NCAPD3: variants seen among roughly 807,000 people sequenced by gnomAD.
NCAPD3 encodes condensin-2 complex subunit D3.
Under a neutral mutation model 182.9 loss-of-function variants are expected in NCAPD3, and 105 were observed. The ratio of observed to expected loss-of-function variants is 0.57; its 90% CI spans 0.49 to 0.68. The LOEUF (loss-of-function observed/expected upper bound fraction) is 0.68. Ranked by LOEUF, NCAPD3 falls within the 30% of genes least tolerant of loss-of-function variation. The probability of loss-of-function intolerance (pLI) is 0.00; values close to 1 mark genes in which losing one functional copy is unlikely to be tolerated. For synonymous variants in NCAPD3, 815 were observed against 679.9 expected, an observed-to-expected ratio of 1.20 and a Z score of -3.09; for missense variants, 1,944 against 1,837.0, an observed-to-expected ratio of 1.06 and a Z score of -1.07.
At chr11:134,171,325 T>C (rs1358348483) in intron 24 of NCAPD3, among the ~76,000 whole-genome samples, 1 of 152,190 alleles carries the variant, frequency 6.6e-6, no homozygotes, top group African/African-American at 2.4e-5. Flanking sequence ...GTTATTACTC[T>C]CTCACTAAGA....
chr11:134,225,019 AGCGCGCTCGC>A, upstream of NCAPD3: 3 of 1,124,610 alleles, frequency 2.7e-6, no homozygotes, highest in Non-Finnish European at 3.5e-6. Flanking sequence ...GCGGCGGCCG[AGCGCGCTCGC>A]GCATCGGGCC....
At chr11:134,165,287 G>C (rs1312679060) in intron 27 of NCAPD3, among the ~76,000 whole-genome samples, 1 of 147,052 alleles carries the variant, frequency 6.8e-6, no homozygotes, top group Non-Finnish European at 1.5e-5. Context: ...TCGCTTGTGA[G>C]ATGAACTTAG....
intron 7 of NCAPD3, among the ~76,000 whole-genome samples, chr11:134,208,520 T>G (rs1017250092): frequency 6.6e-6 from 1 of 152,176 alleles, no homozygotes; most frequent in African/African-American, 2.4e-5. Context: ...TTGGGAAATA[T>G]TCCTATAGAA....
At chr11:134,177,748 C>A in intron 22 of NCAPD3, 1 of 390,592 alleles carries the variant, frequency 2.6e-6, no homozygotes, top group Non-Finnish European at 4.6e-6. Flanking sequence ...CAGTTATCCC[C>A]TTACCTGGAA....
At chr11:134,165,038 G>T (rs1027949942) in intron 27 of NCAPD3, among the ~76,000 whole-genome samples, 4 of 150,352 alleles carry the variant, frequency 2.7e-5, no homozygotes, top group Non-Finnish European at 5.9e-5. Context: ...GAGCTTAGAG[G>T]AGCTGCACAC....
intron 32 of NCAPD3, chr11:134,153,719 T>C (rs2120472055): frequency 3.0e-6 from 1 of 335,164 alleles, no homozygotes; most frequent in South Asian, 3.1e-5. Context: ...CCAGATTCCC[T>C]GAGGACACTT....
intron 3 of NCAPD3, among the ~76,000 whole-genome samples, chr11:134,211,845 TAAAG>T (rs1937844430): frequency 6.6e-6 from 1 of 152,016 alleles, no homozygotes; most frequent in Non-Finnish European, 1.5e-5. Flanking sequence ...AAAAAGCTAA[TAAAG>T]ACTCAGTGAC....
intron 24 of NCAPD3, 69 bp from the exon 25 acceptor site, chr11:134,169,123 G>C: frequency 1.3e-6 from 2 of 1,498,512 alleles, no homozygotes; most frequent in African/African-American, 1.4e-5. Context: ...AATACACCAA[G>C]AACTCTGCTG....
intron 27 of NCAPD3, among the ~76,000 whole-genome samples, chr11:134,162,703 T>C (rs958607653): frequency 6.6e-6 from 1 of 152,186 alleles, no homozygotes; most frequent in African/African-American, 2.4e-5. Flanking sequence ...GCAGATGTTA[T>C]GTTCAGGAAT....
At position 134,152,791 on chromosome 11, in the gene NCAPD3, G is replaced by A; in HGVS notation, c.*153C>T. The stretch of plus-strand genomic sequence containing the variant: ...CCAAATACATCATACAGAATAGAAG[G>A]TGAGTGCCAGGCCCCTGAGGAGGAG... On this transcript the variant is annotated 3_prime_UTR_variant, in exon 35 of 35. Coordinates refer to ENST00000534548, the MANE Select transcript of NCAPD3 (RefSeq NM_015261.3). 1.6e-6 allele frequency: 1 copy of A among 614,916 alleles called. No individual in the cohort carries two copies. Among genetic ancestry groups the A allele is most frequent in the African/African-American group, 1.8e-5 (1 of 54,864 alleles). 38.1% of individuals were successfully genotyped at this position (614,916 alleles called of 1,614,324 possible).
chr11:134,208,955 A>T lies in NCAPD3; in HGVS notation c.795-4T>A, dbSNP rs183363104. The T allele has an allele frequency of 1.9e-6, 3 of 1,582,416 alleles. No individual in the cohort carries two copies. Among genetic ancestry groups the T allele is most frequent in the African/African-American group, 2.7e-5 (2 of 73,218 alleles). On this transcript the variant is annotated splice_region_variant and splice_polypyrimidine_tract_variant and intron_variant, in intron 6 of 34. Coordinates refer to ENST00000534548, the MANE Select transcript of NCAPD3 (RefSeq NM_015261.3). ...GTATTTTGCTTGGTTAAGAGCTCTA[A>T]AAAAAAAAGACGAAATATTAGTTAA...
At position 134,216,974 on chromosome 11, in the gene NCAPD3, T is replaced by C; in HGVS notation, c.344A>G (p.His115Arg). ...TAGCAAAAAGTAAAGCCCAGCGGCA[T>C]GAAGGCCATATTCTCGATACTGTAC... ...VSVQYREYGL[H>R]AAGLYFLLLE... Residue 115 changes from histidine to arginine, a missense_variant, in exon 3 of 35, where the codon CAT (histidine) becomes CGT (arginine). Around this residue, in one of 3 missense-constraint regions of NCAPD3, gnomAD observed 10 missense variants for 28.4 expected, o/e 0.35. Transcript: ENST00000534548. 6.2e-7 allele frequency: 1 copy of C among 1,613,614 alleles called. No individual in the cohort carries two copies.
intron 2 of NCAPD3, among the ~76,000 whole-genome samples, chr11:134,219,361 A>T (rs1591867972): frequency 6.6e-6 from 1 of 152,198 alleles, no homozygotes; most frequent in Admixed American, 6.5e-5. Context: ...GCACAGTGGC[A>T]CTGAACTCTC....
In NCAPD3 at chr11:134,179,667, C is replaced by T. The variant is rs115567595; in HGVS notation, c.2560-731G>A. ...CATTTTGAAACACATTTTCAAGTTG[C>T]CCTCCAGATTATTTTTCTATGTAGA... On this transcript the variant is annotated intron_variant, in intron 20 of 34. Coordinates refer to ENST00000534548, the MANE Select transcript of NCAPD3 (RefSeq NM_015261.3). Among the ~76,000 whole-genome samples, 1,420 of 152,220 alleles carry T rather than the reference C, an allele frequency of 9.3e-3. 21 individuals are homozygous for T. The highest frequency in any genetic ancestry group is 0.033 in the African/African-American group (1,356 of 41,534).
chr11:134,184,844 CACACA>C, intron 18 of NCAPD3, 54 bp downstream of exon 18: 1 of 1,318,094 alleles, frequency 7.6e-7, no homozygotes, highest in Non-Finnish European at 1.1e-6. Context: ...CACACACACA[CACACA>C]CCTGAAATGA....
intron 16 of NCAPD3, among the ~76,000 whole-genome samples, chr11:134,191,369 C>T (rs1944519596): frequency 6.6e-6 from 1 of 151,994 alleles, no homozygotes; most frequent in African/African-American, 2.4e-5. Flanking sequence ...AAGTATTAGC[C>T]AACTTGGGCA....
intron 16 of NCAPD3, among the ~76,000 whole-genome samples, chr11:134,188,831 T>C (rs1027336143): frequency 7.2e-5 from 11 of 152,124 alleles, no homozygotes; most frequent in Non-Finnish European, 1.3e-4. Context: ...AAGGAATAAA[T>C]TCCGGACACA....
In NCAPD3 at chr11:134,168,187, C is replaced by A; in HGVS notation, c.3382G>T (p.Ala1128Ser). The A allele has an allele frequency of 6.2e-7, 1 of 1,613,862 alleles. No individual in the cohort carries two copies. Among genetic ancestry groups the A allele is most frequent in the Non-Finnish European group, 8.5e-7 (1 of 1,179,768 alleles). The change falls in exon 27 of 35, where the codon GCT becomes TCT. Residue 1128 changes from alanine to serine, a missense_variant. Physicochemically the swap from Ala to Ser is moderately conservative, Grantham distance 99. This residue lies in a region of NCAPD3 where 1,803 missense variants were observed against 1,674.6 expected (regional missense o/e 1.08). Coordinates refer to ENST00000534548, the MANE Select transcript of NCAPD3 (RefSeq NM_015261.3). The part of the protein sequence containing the change: ...KICLSILACF[A>S]DGILPLDLDA... Reference sequence around the variant, plus strand: ...AGGTCCAGGGGTAGGATGCCATCAGCAAAGCACGCTGAGAGACAGAGAGAG... The same window carrying A: ...AGGTCCAGGGGTAGGATGCCATCAGAAAAGCACGCTGAGAGACAGAGAGAG...
At chr11:134,208,496 C>A (rs886770469) in intron 7 of NCAPD3, among the ~76,000 whole-genome samples, 1 of 152,172 alleles carries the variant, frequency 6.6e-6, no homozygotes, top group Non-Finnish European at 1.5e-5. Flanking sequence ...GACTATTCTA[C>A]TTTTTAGAAT....
Sources: gnomAD v4.1 joint callset for allele counts (sites outside exome capture counted in the v4.1 genomes callset) on GRCh38, gnomAD v4.1.1 for gene constraint, gnomAD v4.1.1 regional missense constraint, MANE v1.5 for transcripts, NCBI Gene and HGNC (gene_info 2026-07-23, HGNC 2026-07-21) for gene names.